RYR2: variants seen among roughly 807,000 people sequenced by gnomAD.
RYR2 encodes cardiac muscle ryanodine receptor-calcium release channel.
Under a neutral mutation model 601.1 loss-of-function variants are expected in RYR2, and 227 were observed. The ratio of observed to expected loss-of-function variants is 0.38; its 90% CI spans 0.34 to 0.42. RYR2 has a LOEUF of 0.42. Ranked by LOEUF, RYR2 falls within the 10% of genes least tolerant of loss-of-function variation. The probability of loss-of-function intolerance (pLI) is 1.00; values close to 1 mark genes in which losing one functional copy is unlikely to be tolerated. For synonymous variants in RYR2, 2,223 were observed against 2,175.1 expected (o/e 1.02, Z -0.61); for missense variants, 4,646 against 6,156.5 (o/e 0.75, Z 8.21).
intron 96 of RYR2, among the ~76,000 whole-genome samples, chr1:237,795,836 G>GTGTGTGTGTATATA: frequency 7.5e-6 from 1 of 132,670 alleles, no homozygotes; most frequent in South Asian, 2.4e-4. Flanking sequence ...GTGTGTGTGT[G>GTGTGTGTGTATATA]TATATATATA....
intron 1 of RYR2, among the ~76,000 whole-genome samples, chr1:237,251,158 T>C (rs957827595): frequency 1.3e-5 from 2 of 152,046 alleles, no homozygotes; most frequent in African/African-American, 4.8e-5. Flanking sequence ...CCCAAAATAG[T>C]GCCTGAAATG....
chr1:237,697,552 T>C (rs1168464089), intron 63 of RYR2, among the ~76,000 whole-genome samples: 1 of 147,158 alleles, frequency 6.8e-6, no homozygotes, highest in Non-Finnish European at 1.5e-5. Flanking sequence ...TATATATATT[T>C]AACTGTGGCC....
At chr1:237,828,212 G>A (rs1489575139) in intron 101 of RYR2, among the ~76,000 whole-genome samples, 169 bp from the exon 102 acceptor site, 2 of 152,148 alleles carry the variant, frequency 1.3e-5, no homozygotes, top group African/African-American at 2.4e-5. Context: ...CCCAAAGACA[G>A]AACACCGCCT....
chr1:237,060,089 A>G (rs914998648), intron 1 of RYR2, among the ~76,000 whole-genome samples: 2 of 152,194 alleles, frequency 1.3e-5, no homozygotes, highest in Non-Finnish European at 2.9e-5. Context: ...ATTTCTCTAC[A>G]TCCAGTCTAC....
At chr1:237,757,201 GA>G (rs1693031597) in intron 81 of RYR2, among the ~76,000 whole-genome samples, 1 of 151,956 alleles carries the variant, frequency 6.6e-6, no homozygotes, top group South Asian at 2.1e-4. Context: ...GTTATTATCC[GA>G]ATTACTTAAA....
rs762239413 is a variant in RYR2, at chr1:237,784,800, T to C, written c.13088T>C (p.Leu4363Pro). ...PLEAALPSED[L>P]TDLKELTEES... ...GAAGCCGCCCTGCCCTCCGAGGATC[T>C]GACCGACTTAAAGGAGCTGACAGAG... The change falls in exon 90 of 105, where the codon CTG (leucine) becomes CCG (proline). Residue 4363 changes from leucine to proline, a missense_variant. Physicochemically the swap from Leu to Pro is moderately conservative, Grantham distance 98. Around this residue, in one of 17 missense-constraint regions of RYR2, gnomAD observed 364 missense variants for 442.9 expected, o/e 0.82. Transcript: ENST00000366574. This position sits in a 1 kb window ranked among gnomAD's most constrained non-coding sequence, Gnocchi z 7.1. 1.2e-6 allele frequency: 2 copies of C among 1,611,998 alleles called. No homozygotes were observed. Among genetic ancestry groups the C allele is most frequent in the Non-Finnish European group, 1.7e-6 (2 of 1,178,424 alleles).
intron 2 of RYR2, among the ~76,000 whole-genome samples, chr1:237,317,866 G>A (rs2149514844): frequency 6.6e-6 from 1 of 152,140 alleles, no homozygotes; most frequent in Middle Eastern, 3.4e-3. Flanking sequence ...TCTATGATGT[G>A]TCTATTATAG....
At chr1:237,668,980 A>T (rs975489848) in intron 58 of RYR2, among the ~76,000 whole-genome samples, 1 of 151,780 alleles carries the variant, frequency 6.6e-6, no homozygotes, top group African/African-American at 2.4e-5. Context: ...CAGATAAACA[A>T]GTGAACAAAG....
intron 98 of RYR2, among the ~76,000 whole-genome samples, chr1:237,805,053 A>T (rs1367369331): frequency 2.6e-5 from 4 of 152,186 alleles, no homozygotes; most frequent in Non-Finnish European, 4.4e-5. Flanking sequence ...TGCACAGAAC[A>T]GCACCCATAA....
At chr1:237,385,528 C>T (rs535153607) in intron 8 of RYR2, among the ~76,000 whole-genome samples, 1 of 152,174 alleles carries the variant, frequency 6.6e-6, no homozygotes, top group South Asian at 2.1e-4. Context: ...ATAGTACATT[C>T]AGTGAACCCA....
At chr1:237,782,094 C>T (rs58025317) in intron 89 of RYR2, among the ~76,000 whole-genome samples, 8,444 of 151,624 alleles carry the variant, frequency 0.056, 271 homozygotes, top group Non-Finnish European at 0.077. Flanking sequence ...CCCAGGGCAG[C>T]TGGCAGTGGT....
rs544064979 is a variant in RYR2, at chr1:237,155,439, G to C, written c.48+112870G>C. 8.4e-4 allele frequency among the ~76,000 whole-genome samples: 128 copies of C among 152,204 alleles called. 2 individuals carry two copies. In the South Asian group the frequency reaches 0.026, roughly 31 times the overall value. ...GATCCACCCACCTCCACCTCCCAAAGTGCTGGGATTACAGGCATGAGCCGA... is the reference window on the plus strand; with the variant it reads ...GATCCACCCACCTCCACCTCCCAAACTGCTGGGATTACAGGCATGAGCCGA... On this transcript the variant is annotated intron_variant, in intron 1 of 104. Transcript: ENST00000366574.
intron 4 of RYR2, among the ~76,000 whole-genome samples, chr1:237,361,088 T>A (rs1175905860): frequency 6.6e-6 from 1 of 152,134 alleles, no homozygotes; most frequent in African/African-American, 2.4e-5. Context: ...CAGATACTCC[T>A]GCCCTGGCCT....
chr1:237,278,245 A>ATTTTT (rs71561863), intron 2 of RYR2, among the ~76,000 whole-genome samples: 5 of 67,000 alleles, frequency 7.5e-5, no homozygotes, highest in South Asian at 7.5e-4. Flanking sequence ...TAATTTTTGT[A>ATTTTT]TTTTTTTTTT....
chr1:237,347,153 C>G (rs1433469058), intron 3 of RYR2, among the ~76,000 whole-genome samples: 8 of 151,936 alleles, frequency 5.3e-5, no homozygotes, highest in Non-Finnish European at 4.4e-5. Flanking sequence ...AGACCCCTGT[C>G]TCTACAAAAA....
intron 17 of RYR2, among the ~76,000 whole-genome samples, chr1:237,475,270 A>T (rs1347056343): frequency 6.6e-6 from 1 of 152,166 alleles, no homozygotes; most frequent in African/African-American, 2.4e-5. Context: ...ATTCTTACTG[A>T]CTATGAGATT....
intron 1 of RYR2, among the ~76,000 whole-genome samples, chr1:237,157,967 G>A (rs932982640): frequency 2.6e-5 from 4 of 152,142 alleles, no homozygotes; most frequent in African/African-American, 9.7e-5. Flanking sequence ...ATTATACATT[G>A]TATGCTATTA....
At chr1:237,265,811 A>G (rs1689007167) in intron 1 of RYR2, among the ~76,000 whole-genome samples, 1 of 152,176 alleles carries the variant, frequency 6.6e-6, no homozygotes, top group South Asian at 2.1e-4. Flanking sequence ...TGTAGCTTGG[A>G]CTAAGGTGGT....
intron 25 of RYR2, among the ~76,000 whole-genome samples, chr1:237,537,713 A>C (rs1668799292): frequency 6.6e-6 from 1 of 152,148 alleles, no homozygotes; most frequent in Non-Finnish European, 1.5e-5. Context: ...TCTCAAAAAT[A>C]CTCCTTAGAG....
Sources: gnomAD v4.1 joint callset for allele counts (sites outside exome capture counted in the v4.1 genomes callset) on GRCh38, gnomAD v4.1.1 for gene constraint, gnomAD v4.1.1 regional missense constraint, Gnocchi (gnomAD v3.1) non-coding constraint, MANE v1.5 for transcripts, NCBI Gene and HGNC (gene_info 2026-07-23, HGNC 2026-07-21) for gene names.